STRN3: variants seen among roughly 807,000 people sequenced by gnomAD.
The protein encoded by STRN3 is striatin 3, also known as striatin-3.
A neutral mutation model predicts 95.6 loss-of-function variants in STRN3; 29 were observed. The observed-to-expected ratio is 0.30, with a 90% CI of 0.23 to 0.41. The LOEUF is 0.41. Among genes scored for constraint, STRN3 ranks in the 10% least tolerant of loss-of-function variants. The pLI is 1.00. For missense variants in STRN3, 890 were observed against 972.1 expected, an observed-to-expected ratio of 0.92 and a Z score of 1.12; for synonymous variants, 331 against 357.6, an observed-to-expected ratio of 0.93 and a Z score of 0.84.
At chr14:31,011,197 C>T (rs1882953560) in intron 1 of STRN3, among the ~76,000 whole-genome samples, 1 of 152,140 alleles carries the variant, frequency 6.6e-6, no homozygotes, top group East Asian at 1.9e-4. Flanking sequence ...TTACTCTATC[C>T]TGTGGACTTT....
intron 1 of STRN3, 24 bp downstream of exon 1, chr14:31,025,880 C>A: frequency 6.3e-7 from 1 of 1,590,692 alleles, no homozygotes; most frequent in Non-Finnish European, 8.5e-7. Context: ...CCGCAGCTCC[C>A]GCACACCGAC....
chr14:30,898,884 T>C (rs944825467), intron 16 of STRN3, among the ~76,000 whole-genome samples: 4 of 152,136 alleles, frequency 2.6e-5, no homozygotes, highest in African/African-American at 9.7e-5. Flanking sequence ...GGAGAGAAAA[T>C]AAAGATGTCA....
rs1232880926 is a variant in STRN3, at chr14:30,919,022, T to C, written c.1184A>G (p.Gln395Arg). ...CATTCTAGTAGAGGCTGACCTAGAC[T>C]GATTAATGATTCCTGAAGGGATGTG... ...LPHIPSGIIN[Q>R]SRSASTRMTD... Residue 395 changes from glutamine to arginine, a missense_variant, in exon 9 of 18, where the codon CAG becomes CGG. Coordinates refer to ENST00000357479, the MANE Select transcript of STRN3 (RefSeq NM_001083893.2). 6.2e-7 allele frequency: 1 copy of C among 1,612,526 alleles called. No homozygotes were observed. Among genetic ancestry groups the C allele is most frequent in the South Asian group, 1.1e-5 (1 of 90,912 alleles).
At chr14:30,929,689 G>A (rs532558080) in intron 7 of STRN3, among the ~76,000 whole-genome samples, 30 of 151,842 alleles carry the variant, frequency 2.0e-4, no homozygotes, top group African/African-American at 6.0e-4. Flanking sequence ...AAATACATGC[G>A]AACTACTCGG....
chr14:31,004,683 G>C (rs1292828027), intron 1 of STRN3, among the ~76,000 whole-genome samples: 1 of 152,114 alleles, frequency 6.6e-6, no homozygotes, highest in Non-Finnish European at 1.5e-5. Context: ...TGAGGCAGGA[G>C]AATTGTTTGA....
intron 3 of STRN3, among the ~76,000 whole-genome samples, 191 bp downstream of exon 3, chr14:30,955,429 C>G (rs1360728337): frequency 6.6e-6 from 1 of 152,136 alleles, no homozygotes; most frequent in African/African-American, 2.4e-5. Context: ...GATAATAAGA[C>G]AAGTTGCCTC....
At chr14:30,968,979 G>C (rs1353610920) in intron 1 of STRN3, among the ~76,000 whole-genome samples, 3 of 152,106 alleles carry the variant, frequency 2.0e-5, no homozygotes, top group African/African-American at 7.2e-5. Flanking sequence ...AAAGGTTTAA[G>C]CAAGTTTTAA....
rs544102721 is a variant in STRN3, at chr14:31,007,037, C to G, written c.282+18867G>C. Among the ~76,000 whole-genome samples, 9 of 152,252 alleles carry G rather than the reference C, an allele frequency of 5.9e-5. No individual in the cohort carries two copies. In the South Asian group the frequency reaches 1.9e-3, roughly 32 times the overall value. On this transcript the variant is annotated intron_variant, in intron 1 of 17. Transcript: ENST00000357479. ...AAAAGTATATTTCCAAACTACCAATCAAGTGTGAAAATAAAATACAGACAT... is the reference window on the plus strand; with the variant it reads ...AAAAGTATATTTCCAAACTACCAATGAAGTGTGAAAATAAAATACAGACAT...
intron 5 of STRN3, among the ~76,000 whole-genome samples, chr14:30,939,659 G>C (rs1429703424): frequency 6.6e-6 from 1 of 152,034 alleles, no homozygotes; most frequent in East Asian, 1.9e-4. Flanking sequence ...TAAATAAATT[G>C]ACAAGGCATA....
intron 1 of STRN3, among the ~76,000 whole-genome samples, chr14:30,963,965 AAAAG>A (rs1223470703): frequency 6.6e-6 from 1 of 152,206 alleles, no homozygotes; most frequent in Non-Finnish European, 1.5e-5. Context: ...AAAAAACAAG[AAAAG>A]AGCCAGGTGC....
chr14:30,902,707 CT>C, intron 15 of STRN3, 64 bp from the exon 16 acceptor site: 1 of 1,040,890 alleles, frequency 9.6e-7, no homozygotes, highest in African/African-American at 1.6e-5. Flanking sequence ...GGATAATGGC[CT>C]TTTTAATCGT....
At position 30,963,337 on chromosome 14, in the gene STRN3, T is replaced by C. The variant is rs569826511; in HGVS notation, c.283-7095A>G. On this transcript the variant is annotated intron_variant, in intron 1 of 17. Coordinates refer to ENST00000357479, the MANE Select transcript of STRN3 (RefSeq NM_001083893.2). ...CAGAACACTTTACCCAACAAAAAAA[T>C]ACACATCTTAAGTGCACATGGGACA... Among the ~76,000 whole-genome samples, 5 of 152,276 alleles carry C rather than the reference T, an allele frequency of 3.3e-5. No homozygotes were observed. The South Asian group carries it at 1.0e-3, about 32-fold the overall frequency.
At chr14:30,978,957 C>T (rs1406106120) in intron 1 of STRN3, among the ~76,000 whole-genome samples, 1 of 141,382 alleles carries the variant, frequency 7.1e-6, no homozygotes, top group African/African-American at 2.6e-5. Context: ...TCGTTTGAAC[C>T]CATGATGCAG....
rs778608615 is a variant in STRN3, at chr14:30,902,634, G to C, written c.2039C>G (p.Ser680Cys). Residue 680 changes from serine to cysteine, a missense_variant, in exon 16 of 18, where the codon TCT (serine) becomes TGT (cysteine). Physicochemically the swap from Ser to Cys is moderately radical, Grantham distance 112. Coordinates refer to ENST00000357479, the MANE Select transcript of STRN3 (RefSeq NM_001083893.2). ...LSSQVDSGLQSNNHINRVVSH... is the reference protein window; with the variant it reads ...LSSQVDSGLQCNNHINRVVSH... ...TACTACTCTGTTGATATGATTATTA[G>C]ATTGTAAACCTGAAAAATAAAGGAA... The C allele has an allele frequency of 3.2e-6, 5 of 1,584,510 alleles. No individual in the cohort carries two copies. Among genetic ancestry groups the C allele is most frequent in the Non-Finnish European group, 4.3e-6 (5 of 1,164,396 alleles).
chr14:31,007,420 A>C (rs1188798090), intron 1 of STRN3, among the ~76,000 whole-genome samples: 1 of 152,226 alleles, frequency 6.6e-6, no homozygotes, highest in Non-Finnish European at 1.5e-5. Context: ...ACATACCTAG[A>C]AAACTAGGCA....
At chr14:30,956,337 G>A in intron 1 of STRN3, 95 bp from the exon 2 acceptor site, 1 of 1,121,588 alleles carries the variant, frequency 8.9e-7, no homozygotes, top group Non-Finnish European at 1.3e-6. Flanking sequence ...TGTTGCACTT[G>A]ACTCATGATA....
intron 1 of STRN3, among the ~76,000 whole-genome samples, chr14:30,982,538 G>A (rs749554695): frequency 6.6e-6 from 1 of 152,108 alleles, no homozygotes; most frequent in African/African-American, 2.4e-5. Context: ...CCGAACTCTT[G>A]GCCTCAAGTG....
intron 1 of STRN3, among the ~76,000 whole-genome samples, chr14:30,971,420 T>C (rs930539172): frequency 2.7e-4 from 41 of 152,302 alleles, no homozygotes; most frequent in African/African-American, 9.9e-4. Flanking sequence ...CAAAATCAAA[T>C]AGCTGCAGGA....
At chr14:30,954,879 T>G (rs1179834916) in intron 3 of STRN3, among the ~76,000 whole-genome samples, 1 of 150,814 alleles carries the variant, frequency 6.6e-6, no homozygotes, top group African/African-American at 2.4e-5. Context: ...GCTTATTTTC[T>G]GAATATTCTA....
Sources: gnomAD v4.1 joint callset for allele counts (sites outside exome capture counted in the v4.1 genomes callset) on GRCh38, gnomAD v4.1.1 for gene constraint, MANE v1.5 for transcripts, NCBI Gene and HGNC (gene_info 2026-07-23, HGNC 2026-07-21) for gene names.